Variants in EPC2 observed in about 807,000 individuals in gnomAD.
EPC2 encodes the protein enhancer of polycomb 2.
A neutral mutation model predicts 92.1 loss-of-function variants in EPC2; 14 were observed. That is an observed-to-expected ratio of 0.15 (90% CI 0.10 to 0.24). EPC2 has a LOEUF of 0.24. Among genes scored for constraint, EPC2 ranks in the 10% least tolerant of loss-of-function variants. The pLI is 1.00. For missense variants in EPC2, 755 were observed against 971.5 expected, an observed-to-expected ratio of 0.78 and a Z score of 2.96; for synonymous variants, 340 against 334.7, an observed-to-expected ratio of 1.02 and a Z score of -0.17.
chr2:148,767,490 A>G (rs1256564601), intron 7 of EPC2, among the ~76,000 whole-genome samples: 2 of 152,176 alleles, frequency 1.3e-5, no homozygotes, highest in East Asian at 3.9e-4. Flanking sequence ...CCATATTACT[A>G]AAGAGTAAGT....
chr2:148,738,333 AGT>A (rs1259342540), intron 2 of EPC2, among the ~76,000 whole-genome samples: 2 of 152,198 alleles, frequency 1.3e-5, no homozygotes, highest in East Asian at 3.8e-4. Context: ...TGTGGATTGG[AGT>A]GTCACCTGTC....
chr2:148,660,678 T>C (rs1680913654), intron 1 of EPC2, among the ~76,000 whole-genome samples: 1 of 152,036 alleles, frequency 6.6e-6, no homozygotes, highest in Non-Finnish European at 1.5e-5. Flanking sequence ...CCTTAGAACT[T>C]TTGTAGTTTG....
chr2:148,682,421 C>G (rs116660962), intron 1 of EPC2, among the ~76,000 whole-genome samples: 3,839 of 152,228 alleles, frequency 0.025, 56 homozygotes, highest in East Asian at 0.032. Flanking sequence ...TATTCATAAG[C>G]CTTTATCTCC....
intron 1 of EPC2, among the ~76,000 whole-genome samples, chr2:148,665,498 G>A (rs1390260860): frequency 6.6e-6 from 1 of 152,018 alleles, no homozygotes; most frequent in Non-Finnish European, 1.5e-5. Context: ...TTTAAAACAA[G>A]GTTTTCGAAA....
intron 8 of EPC2, among the ~76,000 whole-genome samples, chr2:148,770,170 C>T (rs1683489123): frequency 6.6e-6 from 1 of 152,144 alleles, no homozygotes; most frequent in African/African-American, 2.4e-5. Flanking sequence ...ACCTCAGCCT[C>T]CTGGGATTAC....
chr2:148,676,872 TG>T (rs70995327), intron 1 of EPC2, among the ~76,000 whole-genome samples: 26,730 of 141,642 alleles, frequency 0.19, 3,465 homozygotes, highest in East Asian at 0.49. Context: ...CCACTTTTTT[TG>T]GGGGGGGGGT....
intron 11 of EPC2, among the ~76,000 whole-genome samples, chr2:148,782,308 G>A (rs940660353): frequency 2.6e-5 from 4 of 152,038 alleles, no homozygotes; most frequent in Non-Finnish European, 2.9e-5. Context: ...CGGCCGAGGC[G>A]GGCAGATCAC....
chr2:148,670,149 T>A (rs1450263612), intron 1 of EPC2, among the ~76,000 whole-genome samples: 1 of 152,176 alleles, frequency 6.6e-6, no homozygotes, highest in African/African-American at 2.4e-5. Context: ...CAGTTTATTC[T>A]CTTGCTCCAT....
At chr2:148,771,470 CTTAATT>C (rs778321443) in intron 10 of EPC2, 83 bp downstream of exon 10, 14 of 1,321,408 alleles carry the variant, frequency 1.1e-5, no homozygotes, top group Non-Finnish European at 1.5e-5. Flanking sequence ...TCTTAACCTA[CTTAATT>C]TTTTTTCCAA....
At chr2:148,753,163 C>G (rs1386491683) in intron 3 of EPC2, among the ~76,000 whole-genome samples, 3 of 152,108 alleles carry the variant, frequency 2.0e-5, no homozygotes, top group African/African-American at 7.2e-5. Context: ...ATGTTTACAG[C>G]CTTAATTTGA....
At chr2:148,720,098 G>T (rs903579590) in intron 2 of EPC2, among the ~76,000 whole-genome samples, 7 of 152,116 alleles carry the variant, frequency 4.6e-5, no homozygotes, top group Non-Finnish European at 7.4e-5. Flanking sequence ...CTTTGTCCCA[G>T]GGAGAGATAA....
intron 2 of EPC2, 83 bp downstream of exon 2, chr2:148,690,456 C>A (rs1238213753): frequency 4.7e-5 from 63 of 1,342,210 alleles, no homozygotes; most frequent in Non-Finnish European, 9.0e-6. Context: ...TAAAGAAATT[C>A]TGATTTTTTA....
intron 1 of EPC2, among the ~76,000 whole-genome samples, chr2:148,660,956 ATTATC>A (rs1392651874): frequency 6.6e-6 from 1 of 151,874 alleles, no homozygotes; most frequent in East Asian, 1.9e-4. Context: ...TTAATTGTTT[ATTATC>A]TTATCTTTTA....
chr2:148,691,483 T>C lies in EPC2; in HGVS notation c.313+1110T>C, dbSNP rs1225948275. 6 of 1,542,478 alleles carry C rather than the reference T, an allele frequency of 3.9e-6. No individual in the cohort carries two copies. The African/African-American group carries it at 6.9e-5, about 18-fold the overall frequency. On this transcript the variant is annotated intron_variant, in intron 2 of 13. Transcript: ENST00000258484. Reference sequence around the variant, plus strand: ...TCTGAAACATCACCAGCTTTAAGACTGACTATAAGATTGACTGCTTTTCAT... The same window carrying C: ...TCTGAAACATCACCAGCTTTAAGACCGACTATAAGATTGACTGCTTTTCAT...
At chr2:148,690,550 T>C (rs1681625252) in intron 2 of EPC2, among the ~76,000 whole-genome samples, 177 bp downstream of exon 2, 1 of 152,228 alleles carries the variant, frequency 6.6e-6, no homozygotes, top group African/African-American at 2.4e-5. Flanking sequence ...GAAATCATTT[T>C]GAGTTTTAAG....
intron 2 of EPC2, among the ~76,000 whole-genome samples, chr2:148,713,953 CTAGT>C (rs939382903): frequency 2.6e-5 from 4 of 152,074 alleles, no homozygotes; most frequent in Non-Finnish European, 4.4e-5. Flanking sequence ...GGTTTCTTGC[CTAGT>C]TAAACATGTG....
intron 4 of EPC2, among the ~76,000 whole-genome samples, chr2:148,759,284 G>A (rs144633118): frequency 6.6e-5 from 10 of 152,078 alleles, no homozygotes; most frequent in Admixed American, 1.3e-4. Flanking sequence ...GTAGAGACAG[G>A]GTTTTACCAT....
At chr2:148,713,500 T>C (rs1407328893) in intron 2 of EPC2, among the ~76,000 whole-genome samples, 1 of 152,218 alleles carries the variant, frequency 6.6e-6, no homozygotes. Flanking sequence ...GTAAGCTGTT[T>C]ATTATTAGAG....
Position 148,756,314 on chromosome 2 carries a change from A to G in EPC2, c.666+2181A>G, listed in dbSNP as rs551096966. Among the ~76,000 whole-genome samples, 9 of 152,302 alleles carry G rather than the reference A, an allele frequency of 5.9e-5. No homozygotes were observed. In the South Asian group the frequency reaches 1.7e-3, roughly 28 times the overall value. On this transcript the variant is annotated intron_variant, in intron 4 of 13. Transcript: ENST00000258484. The stretch of plus-strand genomic sequence containing the variant: ...GTTGTGGGACCAAAGACGATTCCCT[A>G]TCATGCTCACCATTGCTAGTTAGAA...
Sources: allele counts gnomAD v4.1 joint callset (sites outside exome capture counted in the v4.1 genomes callset), GRCh38; gene constraint gnomAD v4.1.1; transcripts MANE v1.5; gene names NCBI Gene and HGNC (gene_info 2026-07-23, HGNC 2026-07-21).